Variants in MYO3A observed in about 807,000 individuals in gnomAD.
MYO3A encodes myosin-IIIa.
Under a neutral mutation model 192.7 loss-of-function variants are expected in MYO3A, and 180 were observed. That is an observed-to-expected ratio of 0.93 (90% CI 0.83 to 1.06). The LOEUF (loss-of-function observed/expected upper bound fraction) is 1.06. Among genes scored for constraint, MYO3A ranks in the 50% least tolerant of loss-of-function variants. The probability of loss-of-function intolerance (pLI) is 0.00; values close to 1 mark genes in which losing one functional copy is unlikely to be tolerated. For missense variants in MYO3A, 1,896 were observed against 1,905.0 expected, an observed-to-expected ratio of 1.00 and a Z score of 0.09; for synonymous variants, 628 against 645.3, an observed-to-expected ratio of 0.97 and a Z score of 0.41.
At chr10:25,995,597 A>G (rs982715698) in intron 4 of MYO3A, among the ~76,000 whole-genome samples, 2 of 152,168 alleles carry the variant, frequency 1.3e-5, no homozygotes. Context: ...TAGAATTTTC[A>G]GTTTTTCTGT....
intron 10 of MYO3A, 124 bp from the exon 11 acceptor site, chr10:26,066,851 G>T: frequency 1.5e-6 from 1 of 683,256 alleles, no homozygotes. Context: ...GCTATTTTCT[G>T]GTATCTTATC....
At chr10:26,118,111 C>G (rs1838628733) in intron 17 of MYO3A, among the ~76,000 whole-genome samples, 1 of 151,994 alleles carries the variant, frequency 6.6e-6, no homozygotes, top group Non-Finnish European at 1.5e-5. Context: ...GAGCTTTTTT[C>G]ATGTGATTGT....
chr10:26,101,597 G>T (rs1004606600), intron 17 of MYO3A, among the ~76,000 whole-genome samples: 3 of 152,290 alleles, frequency 2.0e-5, no homozygotes, highest in East Asian at 1.9e-4. Context: ...GCCTGGTGGT[G>T]ACAAAATCTC....
chr10:26,154,773 G>A lies in MYO3A; in HGVS notation c.2743G>A (p.Ala915Thr), dbSNP rs1049466388. The A allele has an allele frequency of 1.2e-6, 2 of 1,613,840 alleles. No homozygotes were observed. The highest frequency in any genetic ancestry group is 1.7e-5 in the Admixed American group (1 of 59,990). The change falls in exon 25 of 35, where the codon GCC becomes ACC. Residue 915 changes from alanine to threonine, a missense_variant. By Grantham distance (58) the Ala-to-Thr change is moderately conservative. Coordinates refer to ENST00000642920, the MANE Select transcript of MYO3A (RefSeq NM_017433.5). ...CGACACTGGAGAAGCCACACGTCAT[G>A]CCAGAGAGACAACCAACATGAAAAC... ...KGDTGEATRH[A>T]RETTNMKTQT...
chr10:26,210,583 A>C (rs1487697162), intron 34 of MYO3A, among the ~76,000 whole-genome samples: 4 of 152,186 alleles, frequency 2.6e-5, no homozygotes, highest in African/African-American at 9.7e-5. Flanking sequence ...TCCTACTTTC[A>C]TCCTGGCAGA....
intron 10 of MYO3A, among the ~76,000 whole-genome samples, chr10:26,056,378 A>G (rs1834112709): frequency 5.9e-5 from 9 of 152,336 alleles, no homozygotes; most frequent in Admixed American, 5.9e-4. Context: ...TAATGGGAAT[A>G]CCAAGAGAAG....
At chr10:26,065,931 C>T (rs1465151407) in intron 10 of MYO3A, among the ~76,000 whole-genome samples, 1 of 53,284 alleles carries the variant, frequency 1.9e-5, no homozygotes, top group Non-Finnish European at 5.4e-5. Flanking sequence ...TCCTGGCTAA[C>T]ACGGTGAAAC....
At chr10:25,962,362 C>T (rs1837985919) in intron 4 of MYO3A, among the ~76,000 whole-genome samples, 1 of 151,976 alleles carries the variant, frequency 6.6e-6, no homozygotes, top group South Asian at 2.1e-4. Flanking sequence ...CTAAATGGTA[C>T]CTAGGTTTAG....
At chr10:26,164,085 C>T (rs903357386) in intron 26 of MYO3A, among the ~76,000 whole-genome samples, 1 of 152,138 alleles carries the variant, frequency 6.6e-6, no homozygotes, top group African/African-American at 2.4e-5. Context: ...AAATAAGAGG[C>T]CTTGTTGCTA....
chr10:25,958,373 T>A (rs543248380), intron 4 of MYO3A, among the ~76,000 whole-genome samples: 1 of 152,338 alleles, frequency 6.6e-6, no homozygotes, highest in South Asian at 2.1e-4. Context: ...GTTGTTTTTG[T>A]CAGCTTTGTC....
intron 11 of MYO3A, 61 bp downstream of exon 11, chr10:26,067,135 C>G: frequency 8.7e-7 from 1 of 1,146,926 alleles, no homozygotes. Context: ...TTATAGAAGA[C>G]ACGGGTATTG....
intron 4 of MYO3A, among the ~76,000 whole-genome samples, chr10:25,965,476 T>C (rs542919383): frequency 6.6e-6 from 1 of 152,154 alleles, no homozygotes; most frequent in South Asian, 2.1e-4. Flanking sequence ...GGGTTTCTTT[T>C]GGAGCCTTGA....
Position 26,174,107 on chromosome 10 carries a change from TA to T in MYO3A, c.3850del (p.Thr1284LeufsTer26). 2 of 1,614,146 alleles carry T rather than the reference TA, an allele frequency of 1.2e-6. No homozygotes were observed. Among genetic ancestry groups the T allele is most frequent in the Non-Finnish European group, 1.7e-6 (2 of 1,180,010 alleles). ...PWLAENETSF[K>X]KTLEPTLSQR... ...GGTTAGCTGAAAATGAGACTTCCTT[TA>T]AAAAAACTTTGGAACCTACACTTAG... On this transcript the variant is annotated frameshift_variant, in exon 30 of 35. Coordinates refer to ENST00000642920, the MANE Select transcript of MYO3A (RefSeq NM_017433.5). LOFTEE classifies it high-confidence loss of function.
chr10:26,160,063 C>T (rs1841406346), intron 26 of MYO3A, among the ~76,000 whole-genome samples: 1 of 151,748 alleles, frequency 6.6e-6, no homozygotes, highest in Non-Finnish European at 1.5e-5. Flanking sequence ...TTATCATGCA[C>T]TTCATGTTTC....
intron 14 of MYO3A, among the ~76,000 whole-genome samples, chr10:26,071,248 A>T (rs1835189752): frequency 6.6e-6 from 1 of 152,172 alleles, no homozygotes; most frequent in Non-Finnish European, 1.5e-5. Flanking sequence ...TATATGGTTT[A>T]TTGATTTTTG....
intron 14 of MYO3A, among the ~76,000 whole-genome samples, chr10:26,071,740 A>G (rs1026918199): frequency 1.3e-5 from 2 of 152,194 alleles, no homozygotes; most frequent in African/African-American, 4.8e-5. Flanking sequence ...GAGGATATGT[A>G]TGGTACGTAA....
chr10:26,158,264 T>TTTA, intron 26 of MYO3A, among the ~76,000 whole-genome samples: 1 of 151,998 alleles, frequency 6.6e-6, no homozygotes, highest in Non-Finnish European at 1.5e-5. Context: ...ATTTTTTTTT[T>TTTA]TTTTTTGAGA....
chr10:26,020,856 G>A (rs541852480), intron 7 of MYO3A, among the ~76,000 whole-genome samples: 52 of 152,114 alleles, frequency 3.4e-4, no homozygotes, highest in Non-Finnish European at 4.9e-4. Flanking sequence ...TACATCTTTC[G>A]ATTACTGACA....
intron 4 of MYO3A, among the ~76,000 whole-genome samples, chr10:25,956,672 T>C (rs1381723289): frequency 6.6e-6 from 1 of 151,974 alleles, no homozygotes; most frequent in Non-Finnish European, 1.5e-5. Context: ...GTAGAAAATA[T>C]TTGATCCTAT....
Sources: allele counts gnomAD v4.1 joint callset (sites outside exome capture counted in the v4.1 genomes callset), GRCh38; gene constraint gnomAD v4.1.1; transcripts MANE v1.5; gene names NCBI Gene and HGNC (gene_info 2026-07-23, HGNC 2026-07-21).